The following C4orf33 variants were observed in gnomAD, a reference collection of about 807,000 sequenced individuals.
C4orf33 encodes chromosome 4 open reading frame 33, also known as UPF0462 protein C4orf33.
Under a neutral mutation model 24.3 loss-of-function variants are expected in C4orf33, and 20 were observed. That is an observed-to-expected ratio of 0.82 (90% CI 0.58 to 1.19). The LOEUF is 1.19. Among genes scored for constraint, C4orf33 ranks in the 50% most tolerant of loss-of-function variants. The pLI is 0.00. For synonymous variants in C4orf33, 67 were observed against 76.4 expected, an observed-to-expected ratio of 0.88 and a Z score of 0.64; for missense variants, 207 against 225.9, an observed-to-expected ratio of 0.92 and a Z score of 0.54.
intron 1 of C4orf33, among the ~76,000 whole-genome samples, chr4:129,098,157 C>T (rs1699394): frequency 0.72 from 109,713 of 152,038 alleles, 41,533 homozygotes; most frequent in South Asian, 0.89. Context: ...TATTATTTAT[C>T]TATTATTAAA....
intron 2 of C4orf33, among the ~76,000 whole-genome samples, chr4:129,105,975 A>G (rs936934230): frequency 6.6e-6 from 1 of 152,152 alleles, no homozygotes; most frequent in African/African-American, 2.4e-5. Flanking sequence ...AATGTCATGC[A>G]CATTTTGGTT....
At chr4:129,094,245 G>C, upstream of C4orf33, among the ~76,000 whole-genome samples, 1 of 152,218 alleles carries the variant, frequency 6.6e-6, no homozygotes, top group East Asian at 1.9e-4. Flanking sequence ...ACTTACATTT[G>C]TGGATAGATT....
chr4:129,103,627 T>G (rs1264532082), intron 2 of C4orf33, among the ~76,000 whole-genome samples: 3 of 152,204 alleles, frequency 2.0e-5, no homozygotes, highest in African/African-American at 7.2e-5. Context: ...AGCTATCAGA[T>G]TCATCTTTCT....
chr4:129,104,709 A>T (rs1423039125), intron 2 of C4orf33, among the ~76,000 whole-genome samples: 3 of 152,110 alleles, frequency 2.0e-5, no homozygotes, highest in Non-Finnish European at 2.9e-5. Flanking sequence ...CTTAAATAGC[A>T]ACTTCTCCTG....
rs747119304 is a variant in C4orf33 at position 129,109,458 on chromosome 4, ATGT to A, written c.295-10_295-8del. On this transcript the variant is annotated splice_polypyrimidine_tract_variant and intron_variant, in intron 4 of 5. Transcript: ENST00000425929. ...CCCAATTTTATCTTTTGTGTTTCAC[ATGT>A]TGTTTCTGTAGCAAGAACTTCCTTT... 2 of 1,609,876 alleles carry A rather than the reference ATGT, an allele frequency of 1.2e-6. No homozygotes were observed. The highest frequency in any genetic ancestry group is 1.1e-5 in the South Asian group (1 of 90,974).
At chr4:129,107,677 GATTA>G (rs1427395067) in intron 3 of C4orf33, among the ~76,000 whole-genome samples, 1 of 151,954 alleles carries the variant, frequency 6.6e-6, no homozygotes, top group Non-Finnish European at 1.5e-5. Context: ...TGAAAAATAT[GATTA>G]ATTCTCATAA....
Position 129,111,818 on chromosome 4 carries a change from T to C in C4orf33, c.*27T>C. The C allele has an allele frequency of 7.5e-7, 1 of 1,330,482 alleles. No homozygotes were observed. 82.4% of individuals were successfully genotyped at this position (1,330,482 alleles called of 1,614,324 possible). ...AGTAATAGATAACCATACCGATCAT[T>C]TTTTCCTCTATACCTTTTAAGATAA... On this transcript the variant is annotated 3_prime_UTR_variant, in exon 6 of 6. Coordinates refer to ENST00000425929, the MANE Select transcript of C4orf33 (RefSeq NM_001099783.2).
upstream of C4orf33, among the ~76,000 whole-genome samples, chr4:129,094,359 G>A (rs139165185): frequency 1.7e-3 from 252 of 152,194 alleles, 2 homozygotes; most frequent in East Asian, 0.014. Context: ...CAACAAAAAT[G>A]TTAACTTGAA....
chr4:129,097,012 G>A (rs948746476), intron 1 of C4orf33, among the ~76,000 whole-genome samples: 13 of 152,122 alleles, frequency 8.5e-5, no homozygotes, highest in Non-Finnish European at 1.8e-4. Flanking sequence ...GGGTTCAAGC[G>A]ATTCTTCTGC....
At chr4:129,102,574 G>T (rs896186929) in intron 1 of C4orf33, 28 bp from the exon 2 acceptor site, 3 of 1,468,806 alleles carry the variant, frequency 2.0e-6, no homozygotes, top group East Asian at 2.3e-5. Flanking sequence ...TATTGTTAAA[G>T]AGTTTGTTTT....
At position 129,102,665 on chromosome 4, in the gene C4orf33, G is replaced by A. The variant is rs773318520; in HGVS notation, c.55G>A (p.Val19Ile). 1.9e-5 allele frequency: 30 copies of A among 1,613,912 alleles called. No homozygotes were observed. Among genetic ancestry groups the A allele is most frequent in the South Asian group, 1.8e-4 (16 of 91,064 alleles). Reference protein sequence around the residue: ...WDGFPVKHEPVFIRLNPGDRG... With the variant: ...WDGFPVKHEPIFIRLNPGDRG... ...TGGTTTTCCAGTGAAGCATGAGCCCGTATTTATCAGGCTGAATCCAGGTGA... is the reference window on the plus strand; with the variant it reads ...TGGTTTTCCAGTGAAGCATGAGCCCATATTTATCAGGCTGAATCCAGGTGA... The change falls in exon 2 of 6, where the codon GTA becomes ATA. Residue 19 changes from valine to isoleucine, a missense_variant. By Grantham distance (29) the Val-to-Ile change is conservative. Coordinates refer to ENST00000425929, the MANE Select transcript of C4orf33 (RefSeq NM_001099783.2).
rs1235269867 is a variant in C4orf33, at chr4:129,115,816, A to ATATATATAATAGATATGTTTATATAT, written c.*4033_*4034insATAGATATGTTTATATATTATATATA. 1 of 127,980 alleles carries ATATATATAATAGATATGTTTATATAT rather than the reference A, an allele frequency of 7.8e-6. No individual in the cohort carries two copies. Among genetic ancestry groups the ATATATATAATAGATATGTTTATATAT allele is most frequent in the African/African-American group, 2.9e-5 (1 of 34,654 alleles). The allele number at this position is 127,980 out of a possible 1,614,324, so 7.9% of individuals were successfully genotyped here. ...CTTCTAACTAAATATATATATATAT[A>ATATATATAATAGATATGTTTATATAT]TATATATATATATAAAATATATATG... is the stretch of plus-strand genomic sequence containing the variant. On this transcript the variant is annotated 3_prime_UTR_variant, in exon 6 of 6. Coordinates refer to ENST00000425929, the MANE Select transcript of C4orf33 (RefSeq NM_001099783.2).
rs1404501608 is a variant in C4orf33, at chr4:129,102,743, C to T, written c.133C>T (p.Pro45Ser). Residue 45 changes from proline (P) to serine (S), a missense_variant, in exon 2 of 6, where the codon CCA (proline) becomes TCA (serine). Physicochemically the swap from Pro to Ser is moderately conservative, Grantham distance 74. Transcript: ENST00000425929. Reference sequence around the variant, plus strand: ...TCCATTTTTCAGGGATCCTCCAGCCCCACTTGGAGAACCAGGAAAACCTTT... The same window carrying T: ...TCCATTTTTCAGGGATCCTCCAGCCTCACTTGGAGAACCAGGAAAACCTTT... Reference protein sequence around the residue: ...SAPFFRDPPAPLGEPGKPFNE... With the variant: ...SAPFFRDPPASLGEPGKPFNE... The T allele has an allele frequency of 1.2e-6, 2 of 1,613,976 alleles. No homozygotes were observed. Among genetic ancestry groups the T allele is most frequent in the South Asian group, 1.1e-5 (1 of 91,062 alleles).
chr4:129,097,198 C>A (rs1240717740), intron 1 of C4orf33, among the ~76,000 whole-genome samples: 2 of 152,112 alleles, frequency 1.3e-5, no homozygotes, highest in Non-Finnish European at 2.9e-5. Context: ...TGAGCCACCG[C>A]GCCCGGCCAA....
rs116625871 is a variant in C4orf33, at chr4:129,111,691, G to A, written c.500G>A (p.Cys167Tyr). Reference sequence around the variant, plus strand: ...TTCTTTTTCTTTGCTTTTAGCCATTGCCTAGAATACTTCAAGTCTTTCAAT... The same window carrying A: ...TTCTTTTTCTTTGCTTTTAGCCATTACCTAGAATACTTCAAGTCTTTCAAT... Reference protein sequence around the residue: ...LQQGQKPDFHCLEYFKSFNFN... With the variant: ...LQQGQKPDFHYLEYFKSFNFN... Residue 167 changes from cysteine (C) to tyrosine (Y), a missense_variant, in exon 6 of 6, where the codon TGC (cysteine) becomes TAC (tyrosine). Coordinates refer to ENST00000425929, the MANE Select transcript of C4orf33 (RefSeq NM_001099783.2). The A allele has an allele frequency of 4.4e-6, 7 of 1,602,056 alleles. No homozygotes were observed. The East Asian group carries it at 1.3e-4, about 31-fold the overall frequency.
chr4:129,109,114 C>A (rs1034973411), intron 3 of C4orf33, among the ~76,000 whole-genome samples, 193 bp from the exon 4 acceptor site: 6 of 152,218 alleles, frequency 3.9e-5, no homozygotes, highest in African/African-American at 1.4e-4. Flanking sequence ...TGGTCTTGAT[C>A]TCCTGACCTC....
chr4:129,098,907 T>C (rs1209041006), intron 1 of C4orf33, among the ~76,000 whole-genome samples: 1 of 152,064 alleles, frequency 6.6e-6, no homozygotes, highest in Non-Finnish European at 1.5e-5. Context: ...TGCATGCTAC[T>C]GCATTATAAT....
In C4orf33 at chr4:129,113,203, T is replaced by C. The variant is rs895642745; in HGVS notation, c.*1412T>C. 6.6e-6 allele frequency: 1 copy of C among 152,192 alleles called. No homozygotes were observed. The highest frequency in any genetic ancestry group is 2.4e-5 in the African/African-American group (1 of 41,454). The allele number at this position is 152,192 out of a possible 1,614,324, so 9.4% of individuals were successfully genotyped here. ...TATAAAATACTGAATTTGAATGTTG[T>C]AGCTTGTGAGCTTTCTCAAATCTAA... On this transcript the variant is annotated 3_prime_UTR_variant, in exon 6 of 6. Coordinates refer to ENST00000425929, the MANE Select transcript of C4orf33 (RefSeq NM_001099783.2).
intron 1 of C4orf33, among the ~76,000 whole-genome samples, chr4:129,099,926 T>TAAAA (rs967897919): frequency 6.8e-6 from 1 of 145,992 alleles, no homozygotes; most frequent in African/African-American, 2.5e-5. Flanking sequence ...ATATAAAGTT[T>TAAAA]AAAAAAAAAA....
Sources: gnomAD v4.1 joint callset for allele counts (sites outside exome capture counted in the v4.1 genomes callset) on GRCh38, gnomAD v4.1.1 for gene constraint, MANE v1.5 for transcripts, NCBI Gene and HGNC (gene_info 2026-07-23, HGNC 2026-07-21) for gene names.